ZSCAN5A: variants seen among roughly 807,000 people sequenced by gnomAD.
The protein encoded by ZSCAN5A is zinc finger and SCAN domain-containing protein 5A.
A neutral mutation model predicts 23.7 loss-of-function variants in ZSCAN5A; 12 were observed. That is an observed-to-expected ratio of 0.51 (90% confidence interval 0.32 to 0.82). ZSCAN5A has a LOEUF of 0.82. Ranked by LOEUF, ZSCAN5A falls within the 40% of genes least tolerant of loss-of-function variation. The pLI is 0.03. For synonymous variants in ZSCAN5A, 257 were observed against 239.9 expected (o/e 1.07, Z -0.66); for missense variants, 597 against 617.9 (o/e 0.97, Z 0.36).
intron 2 of ZSCAN5A, among the ~76,000 whole-genome samples, chr19:56,322,924 T>G (rs2041392626): frequency 1.4e-5 from 2 of 145,562 alleles, no homozygotes; most frequent in South Asian, 4.5e-4. Context: ...AGACAGAGTC[T>G]CGCTCTGTCG....
intron 2 of ZSCAN5A, among the ~76,000 whole-genome samples, chr19:56,292,456 T>TACTTTTTTTTTTTTTTTTA (rs1307073944): frequency 1.6e-4 from 24 of 151,490 alleles, no homozygotes; most frequent in Admixed American, 1.4e-3. Context: ...TGTCTGTTTT[T>TACTTTTTTTTTTTTTTTTA]ACTTTTTTTT....
At chr19:56,347,324 G>A (rs1037650647) in intron 2 of ZSCAN5A, 1 of 152,230 alleles carries the variant, frequency 6.6e-6, no homozygotes, top group Non-Finnish European at 1.5e-5. Context: ...GATAGGCGCG[G>A]GGCTTTGGGT....
intron 2 of ZSCAN5A, among the ~76,000 whole-genome samples, chr19:56,267,778 C>T (rs897292979): frequency 6.6e-6 from 1 of 152,136 alleles, no homozygotes; most frequent in Non-Finnish European, 1.5e-5. Context: ...AATAACAGTT[C>T]CCATCTCATA....
chr19:56,320,071 C>G (rs1188801772), intron 2 of ZSCAN5A: 2 of 779,042 alleles, frequency 2.6e-6, no homozygotes, highest in Non-Finnish European at 4.8e-6. Context: ...AAAATCTCTT[C>G]TTATACCTGT....
chr19:56,343,948 T>C (rs895693543), intron 2 of ZSCAN5A, among the ~76,000 whole-genome samples: 1 of 152,218 alleles, frequency 6.6e-6, no homozygotes, highest in African/African-American at 2.4e-5. Flanking sequence ...TAATTTAGAT[T>C]TTAAATTATG....
At chr19:56,278,001 A>T (rs2038392503) in intron 2 of ZSCAN5A, among the ~76,000 whole-genome samples, 1 of 152,260 alleles carries the variant, frequency 6.6e-6, no homozygotes, top group Admixed American at 6.5e-5. Context: ...AAAGTTTAGT[A>T]AGAAAGGTAT....
chr19:56,301,984 C>T (rs543259829), intron 2 of ZSCAN5A: 2 of 1,232,030 alleles, frequency 1.6e-6, no homozygotes, highest in Non-Finnish European at 2.0e-6. Context: ...CCTTCTCAGG[C>T]ACCACCCCAT....
chr19:56,249,365 G>A (rs543038519), intron 2 of ZSCAN5A, among the ~76,000 whole-genome samples: 8 of 152,270 alleles, frequency 5.3e-5, no homozygotes, highest in South Asian at 2.1e-4. Context: ...TCCACCTCCC[G>A]GGTTGAAGCA....
chr19:56,242,932 C>T (rs1299924320), intron 2 of ZSCAN5A, among the ~76,000 whole-genome samples: 1 of 152,032 alleles, frequency 6.6e-6, no homozygotes, highest in Non-Finnish European at 1.5e-5. Context: ...GCACGTGCCA[C>T]CATGCCCGGC....
chr19:56,224,513 G>C, intron 3 of ZSCAN5A, 150 bp downstream of exon 3: 1 of 1,098,178 alleles, frequency 9.1e-7, no homozygotes, highest in Non-Finnish European at 1.3e-6. Flanking sequence ...ACTGTCCCCA[G>C]ACACTGCCAT....
intron 2 of ZSCAN5A, among the ~76,000 whole-genome samples, chr19:56,278,822 G>A (rs1022734417): frequency 6.6e-6 from 1 of 152,186 alleles, no homozygotes; most frequent in South Asian, 2.1e-4. Flanking sequence ...AGTACCTGGA[G>A]TTCTGACATC....
intron 2 of ZSCAN5A, among the ~76,000 whole-genome samples, chr19:56,325,439 G>A (rs536694235): frequency 1.3e-5 from 2 of 152,184 alleles, no homozygotes; most frequent in African/African-American, 4.8e-5. Flanking sequence ...GATTCCAGTT[G>A]TATCTACTGG....
chr19:56,221,544 T>A lies in ZSCAN5A; in HGVS notation c.*31A>T. 2 of 1,537,296 alleles carry A rather than the reference T, an allele frequency of 1.3e-6. No homozygotes were observed. Among genetic ancestry groups the A allele is most frequent in the Middle Eastern group, 1.8e-4 (1 of 5,664 alleles). Reference sequence around the variant, plus strand: ...ATGAAAAATATCATTCACTTCTTCTTGGTGCAGAAGGCATAGACCGGATTA... The same window carrying A: ...ATGAAAAATATCATTCACTTCTTCTAGGTGCAGAAGGCATAGACCGGATTA... On this transcript the variant is annotated 3_prime_UTR_variant, in exon 6 of 6. Coordinates refer to ENST00000683990, the MANE Select transcript of ZSCAN5A (RefSeq NM_001322064.3).
intron 2 of ZSCAN5A, among the ~76,000 whole-genome samples, chr19:56,287,464 A>T (rs1033532598): frequency 2.0e-5 from 3 of 152,156 alleles, no homozygotes; most frequent in South Asian, 2.1e-4. Context: ...TAACAAGCAC[A>T]ATAATTCAGT....
intron 2 of ZSCAN5A, chr19:56,284,172 G>A: frequency 1.0e-6 from 1 of 985,490 alleles, no homozygotes; most frequent in Non-Finnish European, 1.2e-6. Context: ...CCACCATGCT[G>A]ACTCTCCTGG....
intron 2 of ZSCAN5A, chr19:56,321,919 A>G (rs936464943): frequency 3.8e-6 from 3 of 782,106 alleles, no homozygotes; most frequent in African/African-American, 3.4e-5. Context: ...GGTACTGCTC[A>G]ATATCCAACT....
chr19:56,323,402 G>C (rs1462178214), intron 2 of ZSCAN5A, among the ~76,000 whole-genome samples: 3 of 151,588 alleles, frequency 2.0e-5, no homozygotes, highest in East Asian at 3.9e-4. Context: ...TCAAACTCCT[G>C]GACTCAAGTG....
chr19:56,337,644 T>C (rs1378041603), intron 2 of ZSCAN5A, among the ~76,000 whole-genome samples: 1 of 152,128 alleles, frequency 6.6e-6, no homozygotes, highest in African/African-American at 2.4e-5. Context: ...AGTACCTCAG[T>C]TGGAAATGCA....
intron 2 of ZSCAN5A, among the ~76,000 whole-genome samples, chr19:56,346,774 T>A (rs1000973798): frequency 4.6e-5 from 7 of 152,044 alleles, no homozygotes; most frequent in Admixed American, 1.3e-4. Context: ...AGTGGTGCCA[T>A]CTCTGCTCAC....
Sources: allele counts gnomAD v4.1 joint callset (sites outside exome capture counted in the v4.1 genomes callset), GRCh38; gene constraint gnomAD v4.1.1; transcripts MANE v1.5; gene names NCBI Gene and HGNC (gene_info 2026-07-23, HGNC 2026-07-21).